SGIP1: variants seen among roughly 807,000 people sequenced by gnomAD.
The protein encoded by SGIP1 is SH3-containing GRB2-like protein 3-interacting protein 1.
SGIP1 carries 38 observed loss-of-function variants against 107.5 expected under a neutral mutation model. The ratio of observed to expected loss-of-function variants is 0.35; its 90% confidence interval spans 0.27 to 0.46. The LOEUF is 0.46. Ranked by LOEUF, SGIP1 falls within the 20% of genes least tolerant of loss-of-function variation. The probability of loss-of-function intolerance (pLI) is 1.00; values close to 1 mark genes in which losing one functional copy is unlikely to be tolerated. For missense variants in SGIP1, 929 were observed against 1,019.5 expected, an observed-to-expected ratio of 0.91 and a Z score of 1.21; for synonymous variants, 365 against 366.1, an observed-to-expected ratio of 1.00 and a Z score of 0.03.
intron 14 of SGIP1, among the ~76,000 whole-genome samples, chr1:66,679,954 A>G (rs1045451352): frequency 6.6e-6 from 1 of 152,204 alleles, no homozygotes; most frequent in African/African-American, 2.4e-5. Flanking sequence ...AAAAAGTAAT[A>G]ATTTCTCAGT....
At chr1:66,730,884 T>G (rs888522793) in intron 20 of SGIP1, among the ~76,000 whole-genome samples, 34 of 152,176 alleles carry the variant, frequency 2.2e-4, no homozygotes, top group Non-Finnish European at 4.3e-4. Context: ...CTTCTTCACC[T>G]GACTCCAACT....
At position 66,749,011 on chromosome 1, in the gene SGIP1, C is replaced by T. The variant is rs981490855; in HGVS notation, c.*5916C>T. 4.6e-5 allele frequency among the ~76,000 whole-genome samples: 7 copies of T among 151,806 alleles called. No homozygotes were observed. The highest frequency in any genetic ancestry group is 1.0e-4 in the Non-Finnish European group (7 of 67,842). ...AACCAGGAATGCTTTGAAAAAAATG[C>T]TTCTGGAATTTTGTTTTAATTTTAA... On this transcript the variant is annotated 3_prime_UTR_variant, in exon 25 of 25. Coordinates refer to ENST00000371037, the MANE Select transcript of SGIP1 (RefSeq NM_032291.4).
In SGIP1 at chr1:66,682,057, T is replaced by A; in HGVS notation, c.1003T>A (p.Ser335Thr). Reference protein sequence around the residue: ...PELTPREKVVSPPATPDNPAD... With the variant: ...PELTPREKVVTPPATPDNPAD... Reference sequence around the variant, plus strand: ...GTTGACTCCAAGGGAAAAAGTGGTGTCCCCACCAGCTACACCAGACAACCC... The same window carrying A: ...GTTGACTCCAAGGGAAAAAGTGGTGACCCCACCAGCTACACCAGACAACCC... The change falls in exon 15 of 25, where the codon TCC becomes ACC. Residue 335 changes from serine (S) to threonine (T), a missense_variant. Coordinates refer to ENST00000371037, the MANE Select transcript of SGIP1 (RefSeq NM_032291.4). 6.2e-7 allele frequency: 1 copy of A among 1,614,110 alleles called. No homozygotes were observed. The highest frequency in any genetic ancestry group is 8.5e-7 in the Non-Finnish European group (1 of 1,180,024).
chr1:66,586,548 G>A (rs939420227), intron 1 of SGIP1, among the ~76,000 whole-genome samples: 5 of 152,042 alleles, frequency 3.3e-5, no homozygotes, highest in African/African-American at 1.2e-4. Context: ...GTATACCAAT[G>A]TCTTCATTTT....
At chr1:66,705,958 A>G (rs1383840827) in intron 18 of SGIP1, among the ~76,000 whole-genome samples, 9 of 152,114 alleles carry the variant, frequency 5.9e-5, no homozygotes, top group Admixed American at 5.9e-4. Context: ...TGACGGGTGC[A>G]GCAAACCACC....
At chr1:66,681,769 C>A (rs111611196) in intron 14 of SGIP1, 100 bp from the exon 15 acceptor site, 11 of 1,279,954 alleles carry the variant, frequency 8.6e-6, no homozygotes, top group Middle Eastern at 1.9e-4. Context: ...CACTGAGGCA[C>A]CTCAGACACC....
intron 1 of SGIP1, among the ~76,000 whole-genome samples, chr1:66,538,686 T>A (rs947571630): frequency 6.6e-6 from 1 of 152,204 alleles, no homozygotes; most frequent in Admixed American, 6.5e-5. Flanking sequence ...GGAATAATGA[T>A]ACAAATAATA....
chr1:66,623,863 G>C (rs1460545930), intron 1 of SGIP1, among the ~76,000 whole-genome samples: 1 of 152,178 alleles, frequency 6.6e-6, no homozygotes, highest in Non-Finnish European at 1.5e-5. Context: ...TCCTGATTCA[G>C]TGCATTTTTT....
At chr1:66,637,784 T>A (rs903185986) in intron 4 of SGIP1, among the ~76,000 whole-genome samples, 1 of 150,870 alleles carries the variant, frequency 6.6e-6, no homozygotes, top group South Asian at 2.1e-4. Flanking sequence ...TCTATTTATA[T>A]ATATGCATGT....
chr1:66,728,335 C>T (rs1317458465), intron 19 of SGIP1, among the ~76,000 whole-genome samples: 1 of 152,170 alleles, frequency 6.6e-6, no homozygotes, highest in Non-Finnish European at 1.5e-5. Flanking sequence ...GGGAGAACCA[C>T]CAGAGTAGAG....
chr1:66,576,991 G>A (rs992894389), intron 1 of SGIP1, among the ~76,000 whole-genome samples: 2 of 152,176 alleles, frequency 1.3e-5, no homozygotes, highest in African/African-American at 4.8e-5. Context: ...GAGAGCTGAG[G>A]ATGCTTCAGG....
intron 18 of SGIP1, among the ~76,000 whole-genome samples, chr1:66,707,813 T>G (rs1019998696): frequency 2.0e-5 from 3 of 152,148 alleles, no homozygotes; most frequent in African/African-American, 7.2e-5. Context: ...TTATCCCTCT[T>G]TCCTTGCCCA....
At chr1:66,690,945 T>C (rs7521230) in intron 17 of SGIP1, among the ~76,000 whole-genome samples, 3,131 of 152,326 alleles carry the variant, frequency 0.021, 102 homozygotes, top group African/African-American at 0.071. Flanking sequence ...GAGTTGAGAA[T>C]GGCTGTTCAG....
At chr1:66,583,143 T>C (rs1232479974) in intron 1 of SGIP1, among the ~76,000 whole-genome samples, 3 of 152,118 alleles carry the variant, frequency 2.0e-5, no homozygotes, top group Non-Finnish European at 2.9e-5. Context: ...GATATGTCTA[T>C]GCTATATAAA....
chr1:66,641,092 A>G (rs1386753726), intron 5 of SGIP1, among the ~76,000 whole-genome samples: 1 of 152,044 alleles, frequency 6.6e-6, no homozygotes, highest in Non-Finnish European at 1.5e-5. Context: ...CAGGGATAGA[A>G]AGAGAAAGGA....
intron 1 of SGIP1, among the ~76,000 whole-genome samples, chr1:66,569,862 T>C (rs2060143223): frequency 6.6e-6 from 1 of 151,884 alleles, no homozygotes; most frequent in Admixed American, 6.6e-5. Context: ...TGGTGCATTC[T>C]GTTTTAAAAG....
At chr1:66,564,861 A>G (rs2148503413) in intron 1 of SGIP1, among the ~76,000 whole-genome samples, 1 of 152,066 alleles carries the variant, frequency 6.6e-6, no homozygotes, top group Non-Finnish European at 1.5e-5. Context: ...CCTCAACTTC[A>G]TGTCTGGGGT....
At chr1:66,676,105 C>T (rs1468698026) in intron 12 of SGIP1, among the ~76,000 whole-genome samples, 1 of 152,152 alleles carries the variant, frequency 6.6e-6, no homozygotes, top group Non-Finnish European at 1.5e-5. Context: ...TATCTTTCCT[C>T]TGTTAATCCT....
chr1:66,729,045 A>G (rs955682469), intron 19 of SGIP1, among the ~76,000 whole-genome samples: 3 of 152,172 alleles, frequency 2.0e-5, no homozygotes, highest in Non-Finnish European at 4.4e-5. Flanking sequence ...TCTGTACACC[A>G]AACCCCCAAG....
Sources: gnomAD v4.1 joint callset for allele counts (sites outside exome capture counted in the v4.1 genomes callset) on GRCh38, gnomAD v4.1.1 for gene constraint, MANE v1.5 for transcripts, NCBI Gene and HGNC (gene_info 2026-07-23, HGNC 2026-07-21) for gene names.